Variants in TFR2 observed in about 807,000 individuals in gnomAD.
TFR2 encodes transferrin receptor protein 2.
Under a neutral mutation model 91.9 loss-of-function variants are expected in TFR2, and 64 were observed. The observed-to-expected ratio is 0.70, with a 90% CI of 0.57 to 0.86. TFR2 has a LOEUF of 0.86. Ranked by LOEUF, TFR2 falls within the 40% of genes least tolerant of loss-of-function variation. The probability of loss-of-function intolerance (pLI) is 0.00; values close to 1 mark genes in which losing one functional copy is unlikely to be tolerated. For missense variants in TFR2, 950 were observed against 1,080.5 expected (o/e 0.88, Z 1.69); for synonymous variants, 454 against 459.6 (o/e 0.99, Z 0.15).
At chr7:100,635,390 C>T (rs1390724171) in intron 3 of TFR2, among the ~76,000 whole-genome samples, 3 of 151,546 alleles carry the variant, frequency 2.0e-5, no homozygotes, top group Non-Finnish European at 2.9e-5. Flanking sequence ...TCTAGGCATG[C>T]ACCACCATAC....
At chr7:100,632,929 G>T in intron 6 of TFR2, 72 bp downstream of exon 6, 1 of 1,612,214 alleles carries the variant, frequency 6.2e-7, no homozygotes, top group South Asian at 1.1e-5. Flanking sequence ...ACAGCACCCT[G>T]AACGATTCTC....
At chr7:100,638,014 G>GT (rs933194502) in intron 3 of TFR2, among the ~76,000 whole-genome samples, 2 of 150,484 alleles carry the variant, frequency 1.3e-5, no homozygotes, top group Non-Finnish European at 1.5e-5. Context: ...TATTTGTTTT[G>GT]TTTTTTTGAG....
At chr7:100,635,263 A>T (rs1803553234) in intron 3 of TFR2, among the ~76,000 whole-genome samples, 1 of 149,878 alleles carries the variant, frequency 6.7e-6, no homozygotes, top group Non-Finnish European at 1.5e-5. Context: ...TTTTTTGGAG[A>T]TAGGGTCTCA....
Position 100,620,617 on chromosome 7 carries a change from A to C in TFR2, c.*240T>G. 1 of 529,284 alleles carries C rather than the reference A, an allele frequency of 1.9e-6. No homozygotes were observed. Among genetic ancestry groups the C allele is most frequent in the South Asian group, 2.3e-5 (1 of 43,766 alleles). The allele number at this position is 529,284 out of a possible 1,614,324, so 32.8% of individuals were successfully genotyped here. On this transcript the variant is annotated 3_prime_UTR_variant, in exon 18 of 18. Transcript: ENST00000223051. Reference sequence around the variant, plus strand: ...AGGGGAAGGGGCTGTGATTGAAGGGATGCTACTCTCTGATTAACCGACAGT... The same window carrying C: ...AGGGGAAGGGGCTGTGATTGAAGGGCTGCTACTCTCTGATTAACCGACAGT...
intron 3 of TFR2, 200 bp from the exon 4 acceptor site, chr7:100,633,756 T>C (rs1803519205): frequency 1.2e-6 from 1 of 840,718 alleles, no homozygotes; most frequent in South Asian, 2.1e-5. Flanking sequence ...TCGCCCAGGC[T>C]GGAGTGCAGT....
In TFR2 at chr7:100,641,214, TG is replaced by T; in HGVS notation, c.47del (p.Pro16GlnfsTer41). 1 of 1,535,062 alleles carries T rather than the reference TG, an allele frequency of 6.5e-7. No homozygotes were observed. Among genetic ancestry groups the T allele is most frequent in the Non-Finnish European group, 8.8e-7 (1 of 1,138,386 alleles). On this transcript the variant is annotated frameshift_variant, in exon 2 of 18. Coordinates refer to ENST00000223051, the MANE Select transcript of TFR2 (RefSeq NM_003227.4). LOFTEE classifies it high-confidence loss of function. ...GLFQRAQQLS[P>X]RSSQTVYQRV... The stretch of plus-strand genomic sequence containing the variant: ...GCTGGTAGACGGTCTGAGAGGATCT[TG>T]GGGACAGTTGTTGCTGTGCAGGCGA...
chr7:100,630,774 C>T, intron 9 of TFR2, 115 bp downstream of exon 9: 1 of 1,460,252 alleles, frequency 6.8e-7, no homozygotes. Context: ...CTCTGGGCAC[C>T]ACTCCTGTCC....
intron 17 of TFR2, among the ~76,000 whole-genome samples, chr7:100,624,692 C>A (rs1803204779): frequency 2.0e-5 from 3 of 152,012 alleles, no homozygotes; most frequent in Admixed American, 6.6e-5. Context: ...ATAGTGAGAT[C>A]CCATCTCTAC....
chr7:100,629,214 G>A (rs1445300285), intron 10 of TFR2, 39 bp downstream of exon 10: 5 of 1,610,944 alleles, frequency 3.1e-6, no homozygotes, highest in Non-Finnish European at 3.4e-6. Flanking sequence ...CAGGCCCACC[G>A]CTGCCTAGCC....
Position 100,632,214 on chromosome 7 carries a change from A to C in TFR2, c.850-16T>G. ...CATTGGTCACCTGGGGAGGAAGGTG[A>C]CTAGAGGACTCCTCCCAGAAAAAAA... On this transcript the variant is annotated splice_polypyrimidine_tract_variant and intron_variant, in intron 6 of 17. Coordinates refer to ENST00000223051, the MANE Select transcript of TFR2 (RefSeq NM_003227.4). The C allele has an allele frequency of 6.2e-7, 1 of 1,610,712 alleles. No homozygotes were observed. Among genetic ancestry groups the C allele is most frequent in the Non-Finnish European group, 8.5e-7 (1 of 1,177,058 alleles).
chr7:100,631,623 CAAAA>C, intron 8 of TFR2, 179 bp downstream of exon 8: 5 of 594,992 alleles, frequency 8.4e-6, no homozygotes, highest in Admixed American at 7.9e-5. Flanking sequence ...GACTCCATCT[CAAAA>C]AAAAAAAAAG....
chr7:100,629,505 G>C, intron 9 of TFR2, 133 bp from the exon 10 acceptor site: 1 of 1,543,280 alleles, frequency 6.5e-7, no homozygotes. Context: ...AGTCCCTAAA[G>C]AGGGCGCCCC....
chr7:100,635,022 T>G (rs1294232535), intron 3 of TFR2, among the ~76,000 whole-genome samples: 1 of 151,908 alleles, frequency 6.6e-6, no homozygotes, highest in Non-Finnish European at 1.5e-5. Context: ...CACTGCAACC[T>G]CTGCCTCCTG....
chr7:100,637,993 G>A (rs1344078812), intron 3 of TFR2, among the ~76,000 whole-genome samples: 5 of 151,266 alleles, frequency 3.3e-5, no homozygotes, highest in South Asian at 2.1e-4. Context: ...CACTACGCCC[G>A]GCTAATTTTG....
intron 3 of TFR2, among the ~76,000 whole-genome samples, chr7:100,637,696 C>A (rs1258502106): frequency 2.0e-5 from 3 of 151,994 alleles, no homozygotes; most frequent in Non-Finnish European, 4.4e-5. Context: ...CCCTGTAGAC[C>A]CAGCTACTCA....
At chr7:100,635,415 A>G (rs1355914360) in intron 3 of TFR2, among the ~76,000 whole-genome samples, 1 of 135,614 alleles carries the variant, frequency 7.4e-6, no homozygotes, top group Non-Finnish European at 1.5e-5. Context: ...CTAATTTTTT[A>G]TTTTTCTTTT....
At chr7:100,637,128 A>G (rs1173522544) in intron 3 of TFR2, among the ~76,000 whole-genome samples, 1 of 152,116 alleles carries the variant, frequency 6.6e-6, no homozygotes, top group Non-Finnish European at 1.5e-5. Flanking sequence ...TGCCGGGCGC[A>G]GTGGCTCACA....
intron 3 of TFR2, among the ~76,000 whole-genome samples, chr7:100,638,540 AG>A (rs1803623540): frequency 6.6e-6 from 1 of 151,624 alleles, no homozygotes; most frequent in Non-Finnish European, 1.5e-5. Context: ...ATCTGAGGTC[AG>A]GAGTTTGAGA....
At chr7:100,629,209 C>T (rs979923571) in intron 10 of TFR2, 44 bp downstream of exon 10, 2 of 1,611,408 alleles carry the variant, frequency 1.2e-6, no homozygotes, top group Non-Finnish European at 8.5e-7. Context: ...GGCCACAGGC[C>T]CACCGCTGCC....
Sources: allele counts gnomAD v4.1 joint callset (sites outside exome capture counted in the v4.1 genomes callset), GRCh38; gene constraint gnomAD v4.1.1; transcripts MANE v1.5; gene names NCBI Gene and HGNC (gene_info 2026-07-23, HGNC 2026-07-21).